The following USP2 variants were observed in gnomAD, a reference collection of about 807,000 sequenced individuals.
The protein encoded by USP2 is ubiquitin specific peptidase 2.
In USP2, 33 loss-of-function variants were observed where a neutral mutation model predicts 72.0. The observed-to-expected ratio is 0.46, with a 90% confidence interval of 0.35 to 0.61. USP2 has a LOEUF of 0.61. USP2 is among the 20% of genes least tolerant of loss of function. The pLI is 0.01. For missense variants in USP2, 691 were observed against 797.8 expected, an observed-to-expected ratio of 0.87 and a Z score of 1.61; for synonymous variants, 296 against 312.5, an observed-to-expected ratio of 0.95 and a Z score of 0.56.
At chr11:119,378,951 C>A in intron 1 of USP2, 1 of 983,380 alleles carries the variant, frequency 1.0e-6, no homozygotes, top group Non-Finnish European at 1.2e-6. Context: ...TCACTGATGT[C>A]TTTCCTCTAG....
intron 2 of USP2, among the ~76,000 whole-genome samples, chr11:119,368,147 A>G (rs1950879844): frequency 6.6e-6 from 1 of 152,210 alleles, no homozygotes; most frequent in Non-Finnish European, 1.5e-5. Flanking sequence ...TTTCCTTCGC[A>G]GCAGCTAGTA....
intron 2 of USP2, among the ~76,000 whole-genome samples, chr11:119,363,147 A>C (rs994547603): frequency 5.9e-5 from 9 of 152,330 alleles, no homozygotes; most frequent in Non-Finnish European, 8.8e-5. Context: ...GGCACGGGGC[A>C]GGGCACGCAC....
rs771275115 is a variant in USP2, at chr11:119,373,261, A to G, written c.220T>C (p.Tyr74His). The G allele has an allele frequency of 6.2e-7, 1 of 1,613,886 alleles. No individual in the cohort carries two copies. The highest frequency in any genetic ancestry group is 8.5e-7 in the Non-Finnish European group (1 of 1,179,876). The stretch of plus-strand genomic sequence containing the variant: ...CTCAGCAGGGGGCGGCCCCGGTCAT[A>G]GTCCAGGAGGGAGGAGGGGCCATAG... Reference protein sequence around the residue: ...RTYGPSSLLDYDRGRPLLRPD... With the variant: ...RTYGPSSLLDHDRGRPLLRPD... Residue 74 changes from tyrosine to histidine, a missense_variant, in exon 2 of 13, where the codon TAT becomes CAT. Coordinates refer to ENST00000260187, the MANE Select transcript of USP2 (RefSeq NM_004205.5).
intron 2 of USP2, among the ~76,000 whole-genome samples, chr11:119,367,739 T>C (rs1010891067): frequency 2.0e-5 from 3 of 152,194 alleles, no homozygotes; most frequent in Non-Finnish European, 2.9e-5. Context: ...CCTCCTTCTT[T>C]TGCATGTGTC....
rs758238852 is a variant in USP2 at position 119,373,377 on chromosome 11, T to TA, written c.103dup (p.Tyr35LeufsTer41). On this transcript the variant is annotated frameshift_variant, in exon 2 of 13. Transcript: ENST00000260187. LOFTEE classifies it high-confidence loss of function. ...TAAGGAGGCAGCCAGATTGGCCCCA[T>TA]AGGAGGACGGGGTGTAGGCACCATA... The TA allele has an allele frequency of 2.5e-6, 4 of 1,611,402 alleles. No individual in the cohort carries two copies. The highest frequency in any genetic ancestry group is 3.4e-6 in the Non-Finnish European group (4 of 1,179,954).
intron 2 of USP2, chr11:119,364,237 C>T (rs1950817833): frequency 1.9e-6 from 2 of 1,060,482 alleles, no homozygotes; most frequent in Admixed American, 5.3e-5. Context: ...TCGGGCCCCG[C>T]GACGTCAGCG....
chr11:119,356,833 C>T lies in USP2; in HGVS notation c.*2G>A, dbSNP rs769089959. On this transcript the variant is annotated 3_prime_UTR_variant, in exon 13 of 13. Coordinates refer to ENST00000260187, the MANE Select transcript of USP2 (RefSeq NM_004205.5). ...AAGGGAGAAGGGACGTGGCTCCTGG[C>T]GCTACATTCGGGAGGGCGGGCTGGC... 7.1e-6 allele frequency: 11 copies of T among 1,559,508 alleles called. No individual in the cohort carries two copies. The highest frequency in any genetic ancestry group is 1.9e-4 in the Middle Eastern group (1 of 5,194).
intron 1 of USP2, among the ~76,000 whole-genome samples, chr11:119,379,932 T>TTTTA (rs1951041130): frequency 6.8e-6 from 1 of 146,684 alleles, no homozygotes; most frequent in Non-Finnish European, 1.5e-5. Context: ...TTTTTTTTTT[T>TTTTA]TTTTGAGACG....
Position 119,372,765 on chromosome 11 carries a change from G to T in USP2, c.716C>A (p.Thr239Lys). 5 of 1,561,342 alleles carry T rather than the reference G, an allele frequency of 3.2e-6. No individual in the cohort carries two copies. The highest frequency in any genetic ancestry group is 3.5e-6 in the Non-Finnish European group (4 of 1,157,388). The change falls in exon 2 of 13, where the codon ACG becomes AAG. Residue 239 changes from threonine to lysine, a missense_variant. Thr to Lys is a moderately conservative substitution (Grantham distance 78). Transcript: ENST00000260187. ...GGGCCCAGGGGCCTGACCCTTTCCC[G>T]TCTCCCACAGCGTGTAGCGGCCAAT... ...RPIGRYTLWE[T>K]GKGQAPGPSR...
At chr11:119,372,650 G>A in intron 2 of USP2, 57 bp downstream of exon 2, 2 of 1,478,036 alleles carry the variant, frequency 1.4e-6, no homozygotes, top group Admixed American at 2.3e-5. Context: ...CAGCCTGGCT[G>A]TTCTCCATCA....
chr11:119,362,757 A>C (rs1950783147), intron 2 of USP2, among the ~76,000 whole-genome samples: 1 of 152,218 alleles, frequency 6.6e-6, no homozygotes, highest in Non-Finnish European at 1.5e-5. Flanking sequence ...TTTCGGTGAA[A>C]GCCAGAGAAG....
intron 2 of USP2, among the ~76,000 whole-genome samples, chr11:119,370,099 T>C (rs10892355): frequency 0.46 from 69,421 of 151,980 alleles, 16,809 homozygotes; most frequent in African/African-American, 0.62. Flanking sequence ...CACTTGAACC[T>C]GGGAGGTGGA....
Position 119,356,739 on chromosome 11 carries a change from T to G in USP2, c.*96A>C. ...TCAGGTTTGTTTTTCTCTTGTCAGG[T>G]TTGTGTGTTGTTGTTGTTGTTTTGT... On this transcript the variant is annotated 3_prime_UTR_variant, in exon 13 of 13. Transcript: ENST00000260187. 1 of 1,234,224 alleles carries G rather than the reference T, an allele frequency of 8.1e-7. No individual in the cohort carries two copies. The highest frequency in any genetic ancestry group is 1.1e-6 in the Non-Finnish European group (1 of 895,190). 76.5% of individuals were successfully genotyped at this position (1,234,224 alleles called of 1,614,324 possible). A position where few individuals can be genotyped will look rare whatever the true frequency, so the allele number is the denominator to read the frequency against.
chr11:119,373,243 G>C lies in USP2; in HGVS notation c.238C>G (p.Leu80Val). 1 of 1,613,970 alleles carries C rather than the reference G, an allele frequency of 6.2e-7. No homozygotes were observed. Among genetic ancestry groups the C allele is most frequent in the African/African-American group, 1.3e-5 (1 of 75,054 alleles). Residue 80 changes from leucine (L) to valine (V), a missense_variant, in exon 2 of 13, where the codon CTG becomes GTG. Physicochemically the swap from Leu to Val is conservative, Grantham distance 32. Coordinates refer to ENST00000260187, the MANE Select transcript of USP2 (RefSeq NM_004205.5). Reference protein sequence around the residue: ...SLLDYDRGRPLLRPDITGGGK... With the variant: ...SLLDYDRGRPVLRPDITGGGK... ...CCCCCAGTGATGTCGGGTCTCAGCA[G>C]GGGGCGGCCCCGGTCATAGTCCAGG...
In USP2 at chr11:119,357,674, C is replaced by T. The variant is rs531421548; in HGVS notation, c.1501+83G>A. On this transcript the variant is annotated intron_variant, in intron 10 of 12. Coordinates refer to ENST00000260187, the MANE Select transcript of USP2 (RefSeq NM_004205.5). The stretch of plus-strand genomic sequence containing the variant: ...GAAAGCCTACAAGGTCCGTTTCTTC[C>T]GACTGTTCCCCTCACCTATGGGCCC... 31 of 1,613,352 alleles carry T rather than the reference C, an allele frequency of 1.9e-5. No individual in the cohort carries two copies. In the South Asian group the frequency reaches 2.0e-4, roughly 10 times the overall value.
At chr11:119,366,138 G>A (rs747377946) in intron 2 of USP2, among the ~76,000 whole-genome samples, 2 of 152,100 alleles carry the variant, frequency 1.3e-5, no homozygotes, top group South Asian at 2.1e-4. Context: ...CAAGTGATCC[G>A]CCCACCTCAG....
At position 119,360,674 on chromosome 11, in the gene USP2, C is replaced by T. The variant is rs749857279; in HGVS notation, c.775-440G>A. On this transcript the variant is annotated intron_variant, in intron 2 of 12. Transcript: ENST00000260187. ...TCCTGACCTCAGGTGATCCACCTGCCTCAGCTTCCCAAAGTGCTGGGATTA... is the reference window on the plus strand; with the variant it reads ...TCCTGACCTCAGGTGATCCACCTGCTTCAGCTTCCCAAAGTGCTGGGATTA... Among the ~76,000 whole-genome samples, 45 of 152,300 alleles carry T rather than the reference C, an allele frequency of 3.0e-4. 1 individual carries two copies. Among genetic ancestry groups the T allele is most frequent in the Admixed American group, 7.8e-4 (12 of 15,304 alleles).
intron 12 of USP2, 91 bp downstream of exon 12, chr11:119,357,096 T>C: frequency 1.8e-6 from 1 of 544,128 alleles, no homozygotes; most frequent in Non-Finnish European, 2.2e-6. Context: ...GTGCGGGGGG[T>C]GGGAGGGGGG....
In USP2 at chr11:119,356,751, T is replaced by G; in HGVS notation, c.*84A>C. The G allele has an allele frequency of 1.6e-6, 2 of 1,283,828 alleles. No individual in the cohort carries two copies. The highest frequency in any genetic ancestry group is 2.1e-6 in the Non-Finnish European group (2 of 935,334). The allele number at this position is 1,283,828 out of a possible 1,614,324, so 79.5% of individuals were successfully genotyped here. A position where few individuals can be genotyped will look rare whatever the true frequency, so the allele number is the denominator to read the frequency against. On this transcript the variant is annotated 3_prime_UTR_variant, in exon 13 of 13. Transcript: ENST00000260187. ...TTCTCTTGTCAGGTTTGTGTGTTGTTGTTGTTGTTTTGTTTTTGTCTTTTT... is the reference window on the plus strand; with the variant it reads ...TTCTCTTGTCAGGTTTGTGTGTTGTGGTTGTTGTTTTGTTTTTGTCTTTTT...
Sources: gnomAD v4.1 joint callset for allele counts (sites outside exome capture counted in the v4.1 genomes callset) on GRCh38, gnomAD v4.1.1 for gene constraint, MANE v1.5 for transcripts, NCBI Gene and HGNC (gene_info 2026-07-23, HGNC 2026-07-21) for gene names.